Variants in CHSY1 observed in about 807,000 individuals in gnomAD.
The protein encoded by CHSY1 is chondroitin sulfate synthase 1, also known as N-acetylgalactosaminyl-proteoglycan 3-beta-glucuronosyltransferase 1.
A neutral mutation model predicts 59.8 loss-of-function variants in CHSY1; 13 were observed. The observed-to-expected ratio is 0.22, with a 90% CI of 0.14 to 0.35. The LOEUF is 0.35. Ranked by LOEUF, CHSY1 falls within the 10% of genes least tolerant of loss-of-function variation. The pLI, the probability that CHSY1 is intolerant of heterozygous loss-of-function variation, is 1.00. For synonymous variants in CHSY1, 459 were observed against 401.2 expected (o/e 1.14, Z -1.72); for missense variants, 947 against 1,030.6 (o/e 0.92, Z 1.11).
chr15:101,200,443 C>A (rs1177438751), intron 2 of CHSY1, among the ~76,000 whole-genome samples: 1 of 152,132 alleles, frequency 6.6e-6, no homozygotes, highest in African/African-American at 2.4e-5. Context: ...TTGTCTCCTG[C>A]CTGGTTTGGA....
At chr15:101,243,218 T>C (rs1352147604) in intron 1 of CHSY1, among the ~76,000 whole-genome samples, 4 of 152,160 alleles carry the variant, frequency 2.6e-5, no homozygotes, top group Non-Finnish European at 4.4e-5. Flanking sequence ...AGGCCACTTT[T>C]GAAACATCAC....
intron 1 of CHSY1, among the ~76,000 whole-genome samples, chr15:101,245,456 T>C (rs1056399653): frequency 6.6e-6 from 1 of 152,188 alleles, no homozygotes; most frequent in Non-Finnish European, 1.5e-5. Context: ...CCACAGTGAT[T>C]AGTTCACGCA....
At chr15:101,197,480 G>T (rs1474004374) in intron 2 of CHSY1, among the ~76,000 whole-genome samples, 4 of 152,164 alleles carry the variant, frequency 2.6e-5, no homozygotes, top group African/African-American at 9.7e-5. Context: ...GGACTGATCT[G>T]CTGGTTTATA....
At position 101,178,768 on chromosome 15, in the gene CHSY1, T is replaced by G; in HGVS notation, c.1029A>C (p.Lys343Asn). ...CTTTATGAATTTCTGTGTTGCTGTA[T>G]TTGCTCATCAGGACAATTTCGCGGT... Reference protein sequence around the residue: ...QLHREIVLMSKYSNTEIHKED... With the variant: ...QLHREIVLMSNYSNTEIHKED... The change falls in exon 3 of 3, where the codon AAA (lysine) becomes AAC (asparagine). Residue 343 changes from lysine (K) to asparagine (N), a missense_variant. Lys to Asn is a moderately conservative substitution (Grantham distance 94, BLOSUM62 0). Coordinates refer to ENST00000254190, the MANE Select transcript of CHSY1 (RefSeq NM_014918.5). 6.2e-7 allele frequency: 1 copy of G among 1,614,226 alleles called. No homozygotes were observed. Among genetic ancestry groups the G allele is most frequent in the Non-Finnish European group, 8.5e-7 (1 of 1,180,046 alleles).
At chr15:101,234,681 G>A (rs1351931209) in intron 2 of CHSY1, among the ~76,000 whole-genome samples, 3 of 152,182 alleles carry the variant, frequency 2.0e-5, no homozygotes, top group South Asian at 2.1e-4. Context: ...AGCCTGGCCA[G>A]CATGGTGAAA....
intron 2 of CHSY1, among the ~76,000 whole-genome samples, chr15:101,210,606 A>G (rs1225157522): frequency 6.6e-6 from 1 of 152,216 alleles, no homozygotes; most frequent in Non-Finnish European, 1.5e-5. Flanking sequence ...CTGCATCTTA[A>G]GAGCAGGGGT....
intron 2 of CHSY1, among the ~76,000 whole-genome samples, chr15:101,212,203 C>T (rs1332030329): frequency 1.3e-5 from 2 of 152,102 alleles, no homozygotes; most frequent in African/African-American, 2.4e-5. Flanking sequence ...AACTCTCATA[C>T]GGTGCTGTTG....
At chr15:101,194,977 T>C (rs1006404710) in intron 2 of CHSY1, among the ~76,000 whole-genome samples, 1 of 152,140 alleles carries the variant, frequency 6.6e-6, no homozygotes. Flanking sequence ...TACAATGAAA[T>C]AGAGGGATTC....
At chr15:101,179,797 C>T (rs1258437148) in intron 2 of CHSY1, among the ~76,000 whole-genome samples, 3 of 152,168 alleles carry the variant, frequency 2.0e-5, no homozygotes, top group Admixed American at 1.3e-4. Flanking sequence ...CGCCCCGTGG[C>T]GCAGGTTTTG....
intron 2 of CHSY1, among the ~76,000 whole-genome samples, chr15:101,215,724 G>A (rs150365387): frequency 6.6e-6 from 1 of 152,322 alleles, no homozygotes; most frequent in Non-Finnish European, 1.5e-5. Flanking sequence ...AACAAATCGA[G>A]ACTCTGTCTC....
chr15:101,213,328 C>A (rs1288569621), intron 2 of CHSY1, among the ~76,000 whole-genome samples: 1 of 140,500 alleles, frequency 7.1e-6, no homozygotes, highest in Non-Finnish European at 1.5e-5. Flanking sequence ...AGTTTATAGT[C>A]TTTAAAAAGT....
At chr15:101,188,286 G>T in intron 2 of CHSY1, 1 of 692,336 alleles carries the variant, frequency 1.4e-6, no homozygotes, top group Non-Finnish European at 1.8e-6. Flanking sequence ...CTGGTAGCCA[G>T]TCACGAGTTT....
Position 101,178,799 on chromosome 15 carries a change from T to C in CHSY1, c.998A>G (p.Gln333Arg). 1 of 1,614,190 alleles carries C rather than the reference T, an allele frequency of 6.2e-7. No individual in the cohort carries two copies. Among genetic ancestry groups the C allele is most frequent in the Non-Finnish European group, 8.5e-7 (1 of 1,180,034 alleles). ...CATCAGGACAATTTCGCGGTGCAGC[T>C]GTATTGTGCGATGGCGGAGCTCGGA... ...KISELRHRTI[Q>R]LHREIVLMSK... Residue 333 changes from glutamine (Q) to arginine (R), a missense_variant, in exon 3 of 3, where the codon CAG becomes CGG. By Grantham distance (43) the Gln-to-Arg change is conservative. This residue lies in a region of CHSY1 where 602 missense variants were observed against 676.9 expected (regional missense o/e 0.89). Transcript: ENST00000254190.
At position 101,213,119 on chromosome 15, in the gene CHSY1, C is replaced by G. The variant is rs936887446; in HGVS notation, c.816+21963G>C. On this transcript the variant is annotated intron_variant, in intron 2 of 2. Transcript: ENST00000254190. Reference sequence around the variant, plus strand: ...AGAGGAAGAAATCCAGATGGAAGAACGGAGGTGTAGTAAGGAAAACAGAGT... The same window carrying G: ...AGAGGAAGAAATCCAGATGGAAGAAGGGAGGTGTAGTAAGGAAAACAGAGT... Among the ~76,000 whole-genome samples the G allele has an allele frequency of 2.0e-5, 3 of 151,838 alleles. No individual in the cohort carries two copies. In the East Asian group the frequency reaches 5.8e-4, roughly 29 times the overall value.
chr15:101,177,283 T>G lies in CHSY1; in HGVS notation c.*105A>C. On this transcript the variant is annotated 3_prime_UTR_variant, in exon 3 of 3. Coordinates refer to ENST00000254190, the MANE Select transcript of CHSY1 (RefSeq NM_014918.5). ...AAGGAGTCCTATGTAAGAAAACCAC[T>G]TGTAAAATATATCCTTGTATACGGA... 9.0e-7 allele frequency: 1 copy of G among 1,116,446 alleles called. No individual in the cohort carries two copies. The highest frequency in any genetic ancestry group is 1.3e-6 in the Non-Finnish European group (1 of 791,680). 69.2% of individuals were successfully genotyped at this position (1,116,446 alleles called of 1,614,324 possible). A position where few individuals can be genotyped will look rare whatever the true frequency, so the allele number is the denominator to read the frequency against.
At chr15:101,231,383 G>A (rs2038891110) in intron 2 of CHSY1, among the ~76,000 whole-genome samples, 1 of 152,190 alleles carries the variant, frequency 6.6e-6, no homozygotes, top group Non-Finnish European at 1.5e-5. Context: ...GATATGATAC[G>A]CAGGAAACCT....
intron 2 of CHSY1, among the ~76,000 whole-genome samples, chr15:101,218,405 T>TGA (rs1427231141): frequency 6.6e-6 from 1 of 152,138 alleles, no homozygotes; most frequent in Non-Finnish European, 1.5e-5. Flanking sequence ...GAGAACAGCC[T>TGA]GGTCAACATG....
chr15:101,208,735 C>G (rs950194492), intron 2 of CHSY1, among the ~76,000 whole-genome samples: 1 of 143,694 alleles, frequency 7.0e-6, no homozygotes, highest in Admixed American at 7.0e-5. Flanking sequence ...AAAAGAGATA[C>G]AGAAGCCTGC....
chr15:101,246,662 T>C (rs1365775032), intron 1 of CHSY1, among the ~76,000 whole-genome samples: 2 of 152,190 alleles, frequency 1.3e-5, no homozygotes, highest in Non-Finnish European at 2.9e-5. Context: ...CAACGGTACA[T>C]GGTGCTGCGA....
Sources: gnomAD v4.1 joint callset for allele counts (sites outside exome capture counted in the v4.1 genomes callset) on GRCh38, gnomAD v4.1.1 for gene constraint, gnomAD v4.1.1 regional missense constraint, MANE v1.5 for transcripts, NCBI Gene and HGNC (gene_info 2026-07-23, HGNC 2026-07-21) for gene names.